HTR5A: variants seen among roughly 807,000 people sequenced by gnomAD.
The protein encoded by HTR5A is 5-hydroxytryptamine receptor 5A.
A neutral mutation model predicts 24.3 loss-of-function variants in HTR5A; 21 were observed. The ratio of observed to expected loss-of-function variants is 0.86; its 90% CI spans 0.61 to 1.24. The LOEUF (loss-of-function observed/expected upper bound fraction) is 1.24, where lower values mean the gene tolerates loss of function less well. Among genes scored for constraint, HTR5A ranks in the 50% most tolerant of loss-of-function variants. HTR5A has a pLI of 0.00. For synonymous variants in HTR5A, 260 were observed against 213.7 expected (o/e 1.22, Z -1.89); for missense variants, 497 against 489.5 (o/e 1.02, Z -0.15).
chr7:155,078,163 G>A (rs1312427703), intron 1 of HTR5A, among the ~76,000 whole-genome samples: 1 of 152,118 alleles, frequency 6.6e-6, no homozygotes, highest in Non-Finnish European at 1.5e-5. Flanking sequence ...TGAGAACAGA[G>A]GCCCTTTTGG....
chr7:155,071,891 T>C (rs1795299984), intron 1 of HTR5A, among the ~76,000 whole-genome samples: 1 of 152,050 alleles, frequency 6.6e-6, no homozygotes. Context: ...ACACGAGGAG[T>C]TCAGACTGCG....
rs554377979 is a variant in HTR5A, at chr7:155,085,237, A to G, written c.*750A>G. ...TCCTTTCATTTTGAAGCAACAGTTT[A>G]TAAACAGGAAAGTCTACTGGTTTCA... On this transcript the variant is annotated 3_prime_UTR_variant, in exon 2 of 2. Transcript: ENST00000287907. The G allele has an allele frequency of 1.3e-5, 2 of 152,264 alleles. No homozygotes were observed. The highest frequency in any genetic ancestry group is 2.9e-5 in the Non-Finnish European group (2 of 68,060). The allele number at this position is 152,264 out of a possible 1,614,324, so 9.4% of individuals were successfully genotyped here.
rs1424973728 is a variant in HTR5A at position 155,086,731 on chromosome 7, T to TTGAAG, written c.*2244_*2245insTGAAG. 6.6e-6 allele frequency among the ~76,000 whole-genome samples: 1 copy of TTGAAG among 152,236 alleles called. No homozygotes were observed. The highest frequency in any genetic ancestry group is 2.4e-5 in the African/African-American group (1 of 41,468). On this transcript the variant is annotated 3_prime_UTR_variant, in exon 2 of 2. Transcript: ENST00000287907. ...CCATTTCAATAGTAAAAGTTGTTTA[T>TTGAAG]ACCCTGGTAAGAAATGTAGACATTC... is the stretch of plus-strand genomic sequence containing the variant.
chr7:155,084,193 G>C lies in HTR5A; in HGVS notation c.780G>C (p.Thr260=), dbSNP rs771505360. 1 of 1,613,260 alleles carries C rather than the reference G, an allele frequency of 6.2e-7. No homozygotes were observed. Residue 260 remains threonine, a synonymous_variant, in exon 2 of 2, where the codon ACG becomes ACC. Transcript: ENST00000287907. Reference sequence around the variant, plus strand: ...CCAAACAGCCCCAGATGGTGTTCACGGTCCGCCACGCCACCGTCACCTTCC... The same window carrying C: ...CCAAACAGCCCCAGATGGTGTTCACCGTCCGCCACGCCACCGTCACCTTCC... The part of the protein sequence containing the change: ...DSAKQPQMVF[T]VRHATVTFQP...
chr7:155,079,619 A>T (rs1585122209), intron 1 of HTR5A, among the ~76,000 whole-genome samples: 1 of 152,230 alleles, frequency 6.6e-6, no homozygotes, highest in African/African-American at 2.4e-5. Flanking sequence ...TTCATTAAGT[A>T]AAAAAAGTTT....
intron 1 of HTR5A, 117 bp from the exon 2 acceptor site, chr7:155,084,038 T>C (rs1795447123): frequency 3.9e-6 from 3 of 773,934 alleles, no homozygotes; most frequent in Admixed American, 2.9e-5. Context: ...CCCACACCTA[T>C]CCATCGAAGA....
rs1795485012 is a variant in HTR5A, at chr7:155,087,044, A to G, written c.*2557A>G. Reference sequence around the variant, plus strand: ...TTGTAGAATATGTCGAACAAAACGCACAGTTCTGCCCTCCTGCCTAAAGAC... The same window carrying G: ...TTGTAGAATATGTCGAACAAAACGCGCAGTTCTGCCCTCCTGCCTAAAGAC... On this transcript the variant is annotated 3_prime_UTR_variant, in exon 2 of 2. Transcript: ENST00000287907. Among the ~76,000 whole-genome samples the G allele has an allele frequency of 6.6e-6, 1 of 152,124 alleles. No homozygotes were observed. The highest frequency in any genetic ancestry group is 6.5e-5 in the Admixed American group (1 of 15,280).
chr7:155,078,751 C>CTTTTTT (rs67688182), intron 1 of HTR5A, among the ~76,000 whole-genome samples: 29,682 of 138,920 alleles, frequency 0.21, 3,920 homozygotes, highest in Middle Eastern at 0.33. Context: ...TTCTGTGCTT[C>CTTTTTT]TTTTTTTTTT....
At chr7:155,082,769 T>A (rs1795432233) in intron 1 of HTR5A, among the ~76,000 whole-genome samples, 1 of 152,260 alleles carries the variant, frequency 6.6e-6, no homozygotes, top group Admixed American at 6.5e-5. Flanking sequence ...TTTGGATTTC[T>A]ATAAATGAAT....
In HTR5A at chr7:155,071,223, G is replaced by C; in HGVS notation, c.324G>C (p.Gln108His). Residue 108 changes from glutamine (Q) to histidine (H), a missense_variant, in exon 1 of 2, where the codon CAG becomes CAC. By Grantham distance (24) the Gln-to-His change is conservative. Transcript: ENST00000287907. The stretch of plus-strand genomic sequence containing the variant: ...ACGAGCTGTCCGGGCGCCGCTGGCA[G>C]CTAGGTCGGAGGCTGTGCCAGCTTT... ...LVHELSGRRW[Q>H]LGRRLCQLWI... is the part of the protein sequence containing the mutation. The C allele has an allele frequency of 6.2e-7, 1 of 1,603,634 alleles. No homozygotes were observed. Among genetic ancestry groups the C allele is most frequent in the Non-Finnish European group, 8.5e-7 (1 of 1,179,876 alleles).
At position 155,084,257 on chromosome 7, in the gene HTR5A, C is replaced by A; in HGVS notation, c.844C>A (p.Arg282=). 1 of 1,614,118 alleles carries A rather than the reference C, an allele frequency of 6.2e-7. No homozygotes were observed. The highest frequency in any genetic ancestry group is 8.5e-7 in the Non-Finnish European group (1 of 1,180,004). Residue 282 remains arginine, a synonymous_variant, in exon 2 of 2, where the codon CGG becomes AGG. Transcript: ENST00000287907. ...GDTWREQKEQ[R]AALMVGILIG... ...CACGTGGCGGGAGCAGAAGGAGCAG[C>A]GGGCCGCCCTCATGGTGGGCATCCT...
intron 1 of HTR5A, among the ~76,000 whole-genome samples, chr7:155,077,770 T>A (rs1223033681): frequency 6.6e-6 from 1 of 152,204 alleles, no homozygotes. Flanking sequence ...CAGCCACCAA[T>A]AGCTTTATTG....
intron 1 of HTR5A, among the ~76,000 whole-genome samples, chr7:155,072,773 G>T (rs1317773872): frequency 6.6e-6 from 1 of 152,056 alleles, no homozygotes; most frequent in Admixed American, 6.5e-5. Context: ...GTCTAGGGAG[G>T]GAAATAGACA....
intron 1 of HTR5A, among the ~76,000 whole-genome samples, chr7:155,072,381 G>A (rs1025448721): frequency 6.6e-6 from 1 of 152,118 alleles, no homozygotes; most frequent in African/African-American, 2.4e-5. Context: ...CTGAACATGA[G>A]TAAAGCTGCG....
Position 155,084,430 on chromosome 7 carries a change from G to A in HTR5A, c.1017G>A (p.Thr339=), listed in dbSNP as rs373904053. ...CCTTCTTTAACCCCCTGATCTATAC[G>A]GCTTTCAACAAGAACTACAACAGCG... The part of the protein sequence containing the change: ...SNSFFNPLIY[T]AFNKNYNSAF... Residue 339 remains threonine, a synonymous_variant, in exon 2 of 2, where the codon ACG becomes ACA. Transcript: ENST00000287907. The A allele has an allele frequency of 4.3e-6, 7 of 1,613,908 alleles. No homozygotes were observed. The highest frequency in any genetic ancestry group is 2.2e-5 in the South Asian group (2 of 91,064).
Position 155,070,324 on chromosome 7 carries a change from A to G in HTR5A, c.-576A>G. ...TAAGGCAGGTCTCGGTGGGCGCGCC[A>G]GCATTCGCTCTCCGGAGCTGCAGCC... is the stretch of plus-strand genomic sequence containing the variant. On this transcript the variant is annotated 5_prime_UTR_variant, in exon 1 of 2. Transcript: ENST00000287907. The G allele has an allele frequency of 2.2e-6, 1 of 448,776 alleles. No individual in the cohort carries two copies. The highest frequency in any genetic ancestry group is 4.5e-6 in the Non-Finnish European group (1 of 224,084). 27.8% of individuals were successfully genotyped at this position (448,776 alleles called of 1,614,324 possible).
intron 1 of HTR5A, among the ~76,000 whole-genome samples, chr7:155,075,568 A>T (rs1795350973): frequency 6.6e-6 from 1 of 152,212 alleles, no homozygotes; most frequent in Admixed American, 6.5e-5. Context: ...AAGACTTCCC[A>T]GCTTTGATCA....
At chr7:155,071,989 G>C (rs946873038) in intron 1 of HTR5A, among the ~76,000 whole-genome samples, 2 of 152,088 alleles carry the variant, frequency 1.3e-5, no homozygotes, top group Non-Finnish European at 2.9e-5. Context: ...TCTGGGGTAC[G>C]CTGATTCAGT....
chr7:155,075,308 G>A, intron 1 of HTR5A, among the ~76,000 whole-genome samples: 1 of 152,152 alleles, frequency 6.6e-6, no homozygotes, highest in African/African-American at 2.4e-5. Context: ...CATCTGTGGA[G>A]ATGTGATGTT....
Sources: gnomAD v4.1 joint callset for allele counts (sites outside exome capture counted in the v4.1 genomes callset) on GRCh38, gnomAD v4.1.1 for gene constraint, MANE v1.5 for transcripts, NCBI Gene and HGNC (gene_info 2026-07-23, HGNC 2026-07-21) for gene names.